The following PHF20 variants were observed in gnomAD, a reference collection of about 807,000 sequenced individuals.
PHF20 encodes the protein glioma-expressed antigen 2.
PHF20 carries 23 observed loss-of-function variants against 113.5 expected under a neutral mutation model. That is an observed-to-expected ratio of 0.20 (90% CI 0.15 to 0.29). The LOEUF is 0.29. PHF20 is among the 10% of genes least tolerant of loss of function. PHF20 has a pLI of 1.00. For missense variants in PHF20, 943 were observed against 1,219.6 expected, an observed-to-expected ratio of 0.77 and a Z score of 3.38; for synonymous variants, 434 against 457.3, an observed-to-expected ratio of 0.95 and a Z score of 0.65.
intron 2 of PHF20, among the ~76,000 whole-genome samples, chr20:35,829,821 T>C (rs1208912055): frequency 6.6e-6 from 1 of 151,954 alleles, no homozygotes; most frequent in Non-Finnish European, 1.5e-5. Context: ...GTGGAAACCC[T>C]GTCTCTCCTG....
At chr20:35,841,791 C>CA (rs2042540429) in intron 2 of PHF20, among the ~76,000 whole-genome samples, 1 of 151,870 alleles carries the variant, frequency 6.6e-6, no homozygotes. Flanking sequence ...AAACAACAAC[C>CA]AAAAAAACTG....
At chr20:35,803,684 A>ATGTGTG (rs11472633) in intron 2 of PHF20, among the ~76,000 whole-genome samples, 6,912 of 144,330 alleles carry the variant, frequency 0.048, 222 homozygotes, top group South Asian at 0.096. Flanking sequence ...GTATATATAT[A>ATGTGTG]TGTGTGTGTG....
At chr20:35,861,435 A>G (rs1024938413) in intron 5 of PHF20, among the ~76,000 whole-genome samples, 8 of 152,180 alleles carry the variant, frequency 5.3e-5, no homozygotes, top group African/African-American at 1.9e-4. Context: ...GTTGTGGTAC[A>G]TTAATATAGT....
At position 35,790,345 on chromosome 20, in the gene PHF20, C is replaced by T. The variant is rs1033726194; in HGVS notation, c.-32-11146C>T. On this transcript the variant is annotated intron_variant, in intron 1 of 17. Transcript: ENST00000374012. ...CCTCCCCTGTAGGTGGGATTACAGG[C>T]GCATGCCACCACGCCTGGCTAATTC... Among the ~76,000 whole-genome samples the T allele has an allele frequency of 3.3e-5, 5 of 151,978 alleles. No individual in the cohort carries two copies. The South Asian group carries it at 8.3e-4, about 25-fold the overall frequency.
intron 17 of PHF20, among the ~76,000 whole-genome samples, chr20:35,941,477 G>A (rs940092096): frequency 6.6e-6 from 1 of 152,066 alleles, no homozygotes; most frequent in East Asian, 1.9e-4. Flanking sequence ...CTTTCTCCTC[G>A]TAAGCCAGTA....
chr20:35,913,951 C>A, intron 11 of PHF20, 82 bp from the exon 12 acceptor site: 1 of 1,369,238 alleles, frequency 7.3e-7, no homozygotes, highest in Non-Finnish European at 1.0e-6. Context: ...GAAAAGGAGG[C>A]TTGTTGGTTG....
intron 6 of PHF20, among the ~76,000 whole-genome samples, chr20:35,868,607 A>G (rs912635915): frequency 6.7e-6 from 1 of 148,346 alleles, no homozygotes; most frequent in Non-Finnish European, 1.5e-5. Context: ...CTTCATCTCA[A>G]AAAAACAAGC....
chr20:35,875,594 C>T (rs1353857661), intron 9 of PHF20, among the ~76,000 whole-genome samples: 1 of 152,036 alleles, frequency 6.6e-6, no homozygotes, highest in African/African-American at 2.4e-5. Context: ...CCAGCCTGCT[C>T]TTCTGACATG....
At chr20:35,897,606 G>A (rs544841071) in intron 9 of PHF20, among the ~76,000 whole-genome samples, 3 of 121,796 alleles carry the variant, frequency 2.5e-5, no homozygotes, top group African/African-American at 3.3e-5. Context: ...TTGCTCTGTC[G>A]CCCAGGCTCG....
intron 13 of PHF20, among the ~76,000 whole-genome samples, chr20:35,921,066 G>A (rs560136635): frequency 6.6e-6 from 1 of 152,304 alleles, no homozygotes; most frequent in Non-Finnish European, 1.5e-5. Flanking sequence ...GACAGTTGCT[G>A]ACTTGGAGCA....
At chr20:35,827,615 A>T (rs945339538) in intron 2 of PHF20, among the ~76,000 whole-genome samples, 10 of 151,930 alleles carry the variant, frequency 6.6e-5, no homozygotes, top group Admixed American at 5.9e-4. Flanking sequence ...AAACCCTGTC[A>T]CTATTAAAAA....
At chr20:35,813,892 A>G (rs1043969139) in intron 2 of PHF20, among the ~76,000 whole-genome samples, 4 of 132,676 alleles carry the variant, frequency 3.0e-5, no homozygotes. Flanking sequence ...AGATCACACC[A>G]TTGCACTCCA....
intron 11 of PHF20, 87 bp downstream of exon 11, chr20:35,913,434 G>A (rs1256896963): frequency 7.8e-6 from 7 of 892,212 alleles, no homozygotes; most frequent in Non-Finnish European, 1.1e-5. Context: ...CTCTGGGCCT[G>A]CGCTGAGCAG....
At chr20:35,853,142 A>C (rs2042767997) in intron 4 of PHF20, 2 of 150,330 alleles carry the variant, frequency 1.3e-5, no homozygotes, top group African/African-American at 4.9e-5. Context: ...GAATCACTTG[A>C]ATCCAGGAGG....
At chr20:35,888,141 C>T (rs1361096446) in intron 9 of PHF20, among the ~76,000 whole-genome samples, 3 of 152,000 alleles carry the variant, frequency 2.0e-5, no homozygotes, top group Admixed American at 6.6e-5. Flanking sequence ...CCACCATGCC[C>T]GGCTAATTTT....
intron 2 of PHF20, among the ~76,000 whole-genome samples, chr20:35,838,035 A>T (rs1053072768): frequency 6.6e-6 from 1 of 152,114 alleles, no homozygotes; most frequent in African/African-American, 2.4e-5. Flanking sequence ...AGAGTTGGAT[A>T]TGTGTGCCCA....
chr20:35,857,562 C>CTTTTTTTTTTTTTTTTTTTTTTTTTTTT (rs56655276), intron 4 of PHF20, among the ~76,000 whole-genome samples: 3 of 99,676 alleles, frequency 3.0e-5, no homozygotes, highest in Non-Finnish European at 3.7e-5. Flanking sequence ...AATGATGTTC[C>CTTTTTTTTTTTTTTTTTTTTTTTTTTTT]TTTTTTTTTT....
intron 2 of PHF20, among the ~76,000 whole-genome samples, chr20:35,829,356 TTTTC>T (rs2042317592): frequency 6.6e-6 from 1 of 152,146 alleles, no homozygotes; most frequent in Admixed American, 6.5e-5. Flanking sequence ...TTTCTTTCTT[TTTTC>T]TTTTTTTCTT....
At chr20:35,938,647 C>A in intron 15 of PHF20, 50 bp from the exon 16 acceptor site, 1 of 1,526,306 alleles carries the variant, frequency 6.6e-7, no homozygotes, top group Non-Finnish European at 8.8e-7. Context: ...AGAACCCCTG[C>A]AATGGTGCCA....
Sources: gnomAD v4.1 joint callset for allele counts (sites outside exome capture counted in the v4.1 genomes callset) on GRCh38, gnomAD v4.1.1 for gene constraint, MANE v1.5 for transcripts, NCBI Gene and HGNC (gene_info 2026-07-23, HGNC 2026-07-21) for gene names.